The following RNLS variants were observed in gnomAD, a reference collection of about 807,000 sequenced individuals.
RNLS encodes the protein renalase, FAD dependent amine oxidase.
A neutral mutation model predicts 39.8 loss-of-function variants in RNLS; 39 were observed. The observed-to-expected ratio is 0.98, with a 90% CI of 0.76 to 1.28. The LOEUF is 1.28. Ranked by LOEUF, RNLS falls within the 50% of genes most tolerant of loss-of-function variation. The pLI is 0.00. For synonymous variants in RNLS, 147 were observed against 150.7 expected, an observed-to-expected ratio of 0.98 and a Z score of 0.18; for missense variants, 410 against 413.3, an observed-to-expected ratio of 0.99 and a Z score of 0.07.
intron 4 of RNLS, among the ~76,000 whole-genome samples, chr10:88,382,415 AAAATT>A (rs1851594501): frequency 1.3e-5 from 2 of 152,152 alleles, no homozygotes; most frequent in Admixed American, 1.3e-4. Context: ...ATAGAAATAA[AAAATT>A]AAATTGAATA....
At chr10:88,582,969 G>C (rs938582793) in intron 1 of RNLS, 104 bp downstream of exon 1, 7 of 1,326,456 alleles carry the variant, frequency 5.3e-6, no homozygotes, top group Non-Finnish European at 6.2e-6. Flanking sequence ...GGAGCTGAGG[G>C]TATAGCGTTT....
At chr10:88,499,423 C>T (rs2134099821) in intron 4 of RNLS, among the ~76,000 whole-genome samples, 1 of 152,244 alleles carries the variant, frequency 6.6e-6, no homozygotes, top group African/African-American at 2.4e-5. Flanking sequence ...CCCCAGCTCC[C>T]TCCAAACAAC....
chr10:88,524,743 A>G (rs1846976395), intron 4 of RNLS, among the ~76,000 whole-genome samples: 1 of 151,592 alleles, frequency 6.6e-6, no homozygotes, highest in Admixed American at 6.6e-5. Flanking sequence ...AGATTCGACC[A>G]CTTTCTCATT....
rs75198427 is a variant in RNLS, at chr10:88,304,510, A to G, written c.876+9956T>C. 5.4e-3 allele frequency among the ~76,000 whole-genome samples: 820 copies of G among 152,350 alleles called. 8 individuals are homozygous for G. Among genetic ancestry groups the G allele is most frequent in the African/African-American group, 0.019 (793 of 41,588 alleles). On this transcript the variant is annotated intron_variant, in intron 6 of 6. Transcript: ENST00000331772. ...GAAAATAACATAACTGACCTGAAAG[A>G]GCTGAAAAACACATTACAAGAATTT...
At chr10:88,228,624 C>T in the RNLS span, among the ~76,000 whole-genome samples, 1 of 152,180 alleles carries the variant, frequency 6.6e-6, no homozygotes, top group Non-Finnish European at 1.5e-5. Context: ...GTCTTCCAAC[C>T]CACATCTTCT....
intron 4 of RNLS, among the ~76,000 whole-genome samples, chr10:88,452,740 G>T (rs1426605824): frequency 6.6e-6 from 1 of 152,174 alleles, no homozygotes; most frequent in African/African-American, 2.4e-5. Flanking sequence ...GACCCAGGAA[G>T]TGAGAAGGGT....
intron 4 of RNLS, among the ~76,000 whole-genome samples, chr10:88,421,667 A>T (rs1441148528): frequency 6.6e-6 from 1 of 152,152 alleles, no homozygotes; most frequent in Non-Finnish European, 1.5e-5. Context: ...GCCCCATTAC[A>T]TGTATGATCA....
intron 4 of RNLS, among the ~76,000 whole-genome samples, chr10:88,495,366 G>C (rs557074719): frequency 6.6e-6 from 1 of 152,212 alleles, no homozygotes; most frequent in South Asian, 2.1e-4. Flanking sequence ...AGGGAGGGGG[G>C]ATCATTAGAT....
At chr10:88,511,777 G>A (rs1846136374) in intron 4 of RNLS, among the ~76,000 whole-genome samples, 1 of 152,178 alleles carries the variant, frequency 6.6e-6, no homozygotes, top group African/African-American at 2.4e-5. Flanking sequence ...TACAATGATG[G>A]CTGAGGATTA....
chr10:88,379,018 A>G (rs1413583935), intron 4 of RNLS, among the ~76,000 whole-genome samples: 6 of 152,250 alleles, frequency 3.9e-5, no homozygotes, highest in Admixed American at 6.5e-5. Context: ...CTATACTTTT[A>G]TATGACTGGC....
intron 4 of RNLS, among the ~76,000 whole-genome samples, chr10:88,385,656 A>ATACTC (rs1209560837): frequency 6.6e-6 from 1 of 152,200 alleles, no homozygotes; most frequent in African/African-American, 2.4e-5. Context: ...CCTCCTGTGC[A>ATACTC]TACTCTATGG....
intron 4 of RNLS, among the ~76,000 whole-genome samples, chr10:88,492,300 A>G (rs1844931220): frequency 6.6e-6 from 1 of 152,186 alleles, no homozygotes; most frequent in Non-Finnish European, 1.5e-5. Context: ...CTTAAGAAAC[A>G]TCAGAAAAAG....
chr10:88,239,221 G>C, the RNLS span, among the ~76,000 whole-genome samples: 1 of 152,144 alleles, frequency 6.6e-6, no homozygotes, highest in African/African-American at 2.4e-5. Flanking sequence ...TGTCCTCTGG[G>C]TTACAGGAAG....
the RNLS span, among the ~76,000 whole-genome samples, chr10:88,268,361 G>A: frequency 6.6e-6 from 1 of 152,134 alleles, no homozygotes; most frequent in Non-Finnish European, 1.5e-5. Context: ...ATTTCCCGAT[G>A]CCCTCCTCAC....
intron 6 of RNLS, among the ~76,000 whole-genome samples, chr10:88,309,970 TGGGAGGCCAA>T (rs1845233806): frequency 6.6e-6 from 1 of 152,184 alleles, no homozygotes; most frequent in Non-Finnish European, 1.5e-5. Context: ...CCTAGCATTT[TGGGAGGCCAA>T]GGCAGGCAGA....
the RNLS span, among the ~76,000 whole-genome samples, chr10:88,220,735 C>T: frequency 6.6e-6 from 1 of 152,198 alleles, no homozygotes; most frequent in South Asian, 2.1e-4. Flanking sequence ...TATACTAAGA[C>T]AGCATGTTTA....
At chr10:88,416,033 T>C (rs538440439) in intron 4 of RNLS, among the ~76,000 whole-genome samples, 2 of 152,220 alleles carry the variant, frequency 1.3e-5, no homozygotes, top group East Asian at 3.9e-4. Flanking sequence ...CTGACCTTCA[T>C]GACCCCTACT....
chr10:88,553,179 T>C (rs1848681872), intron 4 of RNLS, among the ~76,000 whole-genome samples: 1 of 152,218 alleles, frequency 6.6e-6, no homozygotes, highest in Non-Finnish European at 1.5e-5. Flanking sequence ...ATTTGTTTAC[T>C]AAGAATTGCA....
rs919854033 is a variant in RNLS, at chr10:88,507,007, G to T, written c.526+65896C>A. The stretch of plus-strand genomic sequence containing the variant: ...CTTCCAGTTTTCCCTTCACTACAGA[G>T]GAAATGCAGAGAGTCAATAACATCA... On this transcript the variant is annotated intron_variant, in intron 4 of 6. Coordinates refer to ENST00000331772, the MANE Select transcript of RNLS (RefSeq NM_001031709.3). 2.7e-5 allele frequency among the ~76,000 whole-genome samples: 4 copies of T among 145,476 alleles called. No individual in the cohort carries two copies. In the Admixed American group the frequency reaches 2.9e-4, roughly 10 times the overall value.
Sources: gnomAD v4.1 joint callset for allele counts (sites outside exome capture counted in the v4.1 genomes callset) on GRCh38, gnomAD v4.1.1 for gene constraint, MANE v1.5 for transcripts, NCBI Gene and HGNC (gene_info 2026-07-23, HGNC 2026-07-21) for gene names.